Variants in CEP112 observed in about 807,000 individuals in gnomAD.
CEP112 encodes the protein centrosomal protein of 112 kDa.
A neutral mutation model predicts 153.0 loss-of-function variants in CEP112; 127 were observed. The ratio of observed to expected loss-of-function variants is 0.83; its 90% CI spans 0.72 to 0.96. The LOEUF (loss-of-function observed/expected upper bound fraction) is 0.96, where lower values mean the gene tolerates loss of function less well. CEP112 is among the 40% of genes least tolerant of loss of function. The probability of loss-of-function intolerance (pLI) is 0.00; values close to 1 mark genes in which losing one functional copy is unlikely to be tolerated. For synonymous variants in CEP112, 358 were observed against 374.4 expected, an observed-to-expected ratio of 0.96 and a Z score of 0.51; for missense variants, 1,089 against 1,101.2, an observed-to-expected ratio of 0.99 and a Z score of 0.16.
chr17:66,079,788 A>G (rs2067646584), intron 8 of CEP112, among the ~76,000 whole-genome samples: 1 of 152,210 alleles, frequency 6.6e-6, no homozygotes. Flanking sequence ...CCAGAACGGC[A>G]TGTTCCTGGT....
At chr17:66,155,644 C>T (rs1262319841) in intron 4 of CEP112, among the ~76,000 whole-genome samples, 4 of 152,106 alleles carry the variant, frequency 2.6e-5, no homozygotes, top group East Asian at 1.9e-4. Context: ...TAAGATCCAA[C>T]GGCTTGAAAT....
chr17:65,923,648 C>T (rs2060813628), intron 19 of CEP112, among the ~76,000 whole-genome samples: 2 of 152,174 alleles, frequency 1.3e-5, no homozygotes, highest in Admixed American at 6.5e-5. Context: ...TAATGCATAA[C>T]ATATGATCAT....
intron 21 of CEP112, among the ~76,000 whole-genome samples, chr17:65,752,116 T>C (rs978976869): frequency 6.6e-6 from 1 of 152,148 alleles, no homozygotes; most frequent in African/African-American, 2.4e-5. Context: ...TTTTAATTTT[T>C]TTCTGCTCAG....
intron 20 of CEP112, among the ~76,000 whole-genome samples, chr17:65,866,342 C>T (rs113888584): frequency 2.6e-5 from 4 of 152,358 alleles, no homozygotes; most frequent in Non-Finnish European, 4.4e-5. Context: ...TGGGCACCAA[C>T]GGGCATGGGA....
At chr17:66,073,503 C>T (rs1191672429) in intron 8 of CEP112, among the ~76,000 whole-genome samples, 1 of 152,204 alleles carries the variant, frequency 6.6e-6, no homozygotes, top group Non-Finnish European at 1.5e-5. Context: ...AACATTACTG[C>T]TACAAAGTAG....
chr17:65,855,631 C>G (rs1310345125), intron 20 of CEP112, among the ~76,000 whole-genome samples: 1 of 152,178 alleles, frequency 6.6e-6, no homozygotes, highest in African/African-American at 2.4e-5. Flanking sequence ...GTCAGGATAT[C>G]TGATAGTCCC....
chr17:65,826,048 A>G, intron 21 of CEP112: 2 of 1,298,790 alleles, frequency 1.5e-6, no homozygotes, highest in African/African-American at 1.5e-5. Context: ...CCTTGAGATG[A>G]ATTACCAATG....
intron 4 of CEP112, among the ~76,000 whole-genome samples, chr17:66,170,086 G>A (rs1156951771): frequency 3.9e-5 from 6 of 152,100 alleles, no homozygotes; most frequent in African/African-American, 7.2e-5. Context: ...ACCAGCAAAC[G>A]GAATGACAGC....
At chr17:66,031,435 A>T (rs12943679) in intron 12 of CEP112, among the ~76,000 whole-genome samples, 2 of 150,306 alleles carry the variant, frequency 1.3e-5, no homozygotes, top group Non-Finnish European at 2.9e-5. Context: ...GCAGATCACA[A>T]TCCCAATGCT....
chr17:65,680,938 G>T (rs570200644), intron 24 of CEP112, among the ~76,000 whole-genome samples: 1 of 152,130 alleles, frequency 6.6e-6, no homozygotes, highest in African/African-American at 2.4e-5. Flanking sequence ...GAAACTGCCC[G>T]CCATGATCCA....
intron 17 of CEP112, among the ~76,000 whole-genome samples, chr17:65,970,415 G>A (rs62064276): frequency 0.096 from 3,460 of 36,018 alleles, 149 homozygotes; most frequent in Middle Eastern, 0.22. Context: ...CATCATGCAT[G>A]TATATTACAT....
intron 20 of CEP112, among the ~76,000 whole-genome samples, chr17:65,852,854 A>AT (rs1398848960): frequency 6.6e-6 from 1 of 151,700 alleles, no homozygotes; most frequent in Non-Finnish European, 1.5e-5. Context: ...TAACTCATTT[A>AT]TTTTTTATCA....
intron 12 of CEP112, among the ~76,000 whole-genome samples, chr17:66,049,893 T>C (rs1048391759): frequency 6.6e-6 from 1 of 151,986 alleles, no homozygotes; most frequent in Admixed American, 6.6e-5. Context: ...GAAACTATCA[T>C]AGAAATAAAG....
intron 12 of CEP112, among the ~76,000 whole-genome samples, chr17:66,044,795 G>A (rs1332622861): frequency 6.6e-6 from 1 of 152,128 alleles, no homozygotes; most frequent in African/African-American, 2.4e-5. Flanking sequence ...GCACTACAGT[G>A]TAAATGTACT....
At chr17:65,720,073 A>G (rs1211709655) in intron 23 of CEP112, among the ~76,000 whole-genome samples, 1 of 152,188 alleles carries the variant, frequency 6.6e-6, no homozygotes. Context: ...TGGACTGCTC[A>G]TGGCAATGAA....
chr17:66,150,571 T>C (rs1046891037), intron 4 of CEP112, among the ~76,000 whole-genome samples: 11 of 152,180 alleles, frequency 7.2e-5, no homozygotes, highest in Non-Finnish European at 1.2e-4. Context: ...AACTGGTCTA[T>C]TGAATTGTTC....
intron 17 of CEP112, among the ~76,000 whole-genome samples, chr17:65,966,362 T>G (rs1040252393): frequency 7.2e-5 from 11 of 152,212 alleles, no homozygotes; most frequent in African/African-American, 2.7e-4. Context: ...CATGTATATG[T>G]ACAGGTGAAC....
intron 23 of CEP112, among the ~76,000 whole-genome samples, chr17:65,736,309 CAAG>C (rs1248907171): frequency 2.0e-5 from 3 of 152,168 alleles, no homozygotes; most frequent in Non-Finnish European, 4.4e-5. Flanking sequence ...ATAACCAATA[CAAG>C]AAGAAGAGCA....
Position 65,688,812 on chromosome 17 carries a change from GGCTGGAGT to G in CEP112, c.2697+309_2697+316del, listed in dbSNP as rs1473053113. ...GACGGAGTTTTGTTCTTGTCACCCA[GGCTGGAGT>G]GCAATGGTGCGATCTCGGCTCACTG... On this transcript the variant is annotated intron_variant, in intron 24 of 26. Coordinates refer to ENST00000535342, the MANE Select transcript of CEP112 (RefSeq NM_001199165.4). 1.5e-5 allele frequency: 3 copies of G among 196,188 alleles called. No homozygotes were observed. The East Asian group carries it at 3.9e-4, about 25-fold the overall frequency. 12.2% of individuals were successfully genotyped at this position (196,188 alleles called of 1,614,324 possible).
Sources: allele counts gnomAD v4.1 joint callset (sites outside exome capture counted in the v4.1 genomes callset), GRCh38; gene constraint gnomAD v4.1.1; transcripts MANE v1.5; gene names NCBI Gene and HGNC (gene_info 2026-07-23, HGNC 2026-07-21).